The following RAP1GDS1 variants were observed in gnomAD, a reference collection of about 807,000 sequenced individuals.
RAP1GDS1 encodes the protein RAP1, GTP-GDP dissociation stimulator 1.
A neutral mutation model predicts 71.1 loss-of-function variants in RAP1GDS1; 35 were observed. That is an observed-to-expected ratio of 0.49 (90% CI 0.38 to 0.65). The LOEUF (loss-of-function observed/expected upper bound fraction) is 0.65. RAP1GDS1 is among the 30% of genes least tolerant of loss of function. The probability of loss-of-function intolerance (pLI) is 0.00; values close to 1 mark genes in which losing one functional copy is unlikely to be tolerated. For missense variants in RAP1GDS1, 663 were observed against 706.1 expected (o/e 0.94, Z 0.69); for synonymous variants, 229 against 243.1 (o/e 0.94, Z 0.54).
intron 1 of RAP1GDS1, among the ~76,000 whole-genome samples, chr4:98,266,249 C>T (rs1722703673): frequency 6.6e-6 from 1 of 152,012 alleles, no homozygotes; most frequent in African/African-American, 2.4e-5. Flanking sequence ...GTCTTTGTGA[C>T]TTAGTATAGT....
intron 2 of RAP1GDS1, among the ~76,000 whole-genome samples, chr4:98,295,078 G>C (rs1002009746): frequency 3.3e-5 from 5 of 152,046 alleles, no homozygotes; most frequent in Non-Finnish European, 7.4e-5. Flanking sequence ...GGAAGACAAA[G>C]AGATGAAGTT....
chr4:98,383,550 A>G (rs1487415771), intron 5 of RAP1GDS1, among the ~76,000 whole-genome samples: 1 of 151,458 alleles, frequency 6.6e-6, no homozygotes, highest in Non-Finnish European at 1.5e-5. Flanking sequence ...TAATTCTTAT[A>G]TTTATTTGTC....
At chr4:98,276,441 A>AACT (rs1330474385) in intron 1 of RAP1GDS1, among the ~76,000 whole-genome samples, 1 of 152,060 alleles carries the variant, frequency 6.6e-6, no homozygotes, top group Non-Finnish European at 1.5e-5. Context: ...ACTCAAATGT[A>AACT]ACTGATTAAA....
chr4:98,405,338 G>T (rs1745964876), intron 7 of RAP1GDS1, among the ~76,000 whole-genome samples: 1 of 152,068 alleles, frequency 6.6e-6, no homozygotes, highest in African/African-American at 2.4e-5. Flanking sequence ...TTCAGTGGGT[G>T]GTTTAATAGC....
intron 1 of RAP1GDS1, among the ~76,000 whole-genome samples, chr4:98,264,309 T>C (rs1722421681): frequency 6.6e-6 from 1 of 151,910 alleles, no homozygotes; most frequent in Non-Finnish European, 1.5e-5. Context: ...GGCAGGAGAA[T>C]CACTTGAACC....
intron 2 of RAP1GDS1, among the ~76,000 whole-genome samples, chr4:98,320,081 T>G (rs1243382472): frequency 2.0e-4 from 30 of 152,234 alleles, no homozygotes. Context: ...TGTTTTTCTG[T>G]AGCTTACTTT....
chr4:98,331,453 G>A (rs1010988168), intron 2 of RAP1GDS1, among the ~76,000 whole-genome samples: 1 of 152,130 alleles, frequency 6.6e-6, no homozygotes, highest in Non-Finnish European at 1.5e-5. Context: ...AGACTTAAGA[G>A]TGGCTATGGT....
chr4:98,342,399 ATTTC>A (rs1471203927), intron 2 of RAP1GDS1, among the ~76,000 whole-genome samples: 8 of 152,068 alleles, frequency 5.3e-5, no homozygotes, highest in Non-Finnish European at 1.2e-4. Context: ...TAATAATTTT[ATTTC>A]TTTGAGCTTT....
chr4:98,380,685 G>A (rs1741873719), intron 5 of RAP1GDS1, among the ~76,000 whole-genome samples: 1 of 151,724 alleles, frequency 6.6e-6, no homozygotes, highest in African/African-American at 2.4e-5. Flanking sequence ...TGTCTGAATT[G>A]CATTAAGAAA....
chr4:98,273,118 C>G (rs1328569099), intron 1 of RAP1GDS1, among the ~76,000 whole-genome samples: 1 of 152,148 alleles, frequency 6.6e-6, no homozygotes, highest in African/African-American at 2.4e-5. Flanking sequence ...GCTCTCGTCT[C>G]CTTTGCAAAA....
chr4:98,345,163 A>G (rs1736038157), intron 3 of RAP1GDS1, among the ~76,000 whole-genome samples: 1 of 152,132 alleles, frequency 6.6e-6, no homozygotes, highest in Non-Finnish European at 1.5e-5. Flanking sequence ...GAAATACGTA[A>G]CTTCAGAAAT....
Position 98,285,899 on chromosome 4 carries a change from C to T in RAP1GDS1, c.5-7509C>T, listed in dbSNP as rs189631948. ...TAAATAATAAATAATTGTAAATAAA[C>T]ATTATAAATTATTTATAATATTTAT... On this transcript the variant is annotated intron_variant, in intron 1 of 14. Coordinates refer to ENST00000408927, the MANE Select transcript of RAP1GDS1 (RefSeq NM_001100427.2). Among the ~76,000 whole-genome samples the T allele has an allele frequency of 5.5e-3, 807 of 145,846 alleles. 4 individuals are homozygous for T. Among genetic ancestry groups the T allele is most frequent in the African/African-American group, 0.019 (780 of 40,122 alleles).
At chr4:98,415,128 A>G (rs1747745267) in intron 7 of RAP1GDS1, among the ~76,000 whole-genome samples, 1 of 152,158 alleles carries the variant, frequency 6.6e-6, no homozygotes, top group Non-Finnish European at 1.5e-5. Context: ...TATCTCTCCT[A>G]CTTGCACATC....
chr4:98,268,524 T>G (rs1364850208), intron 1 of RAP1GDS1, among the ~76,000 whole-genome samples: 3 of 152,032 alleles, frequency 2.0e-5, no homozygotes, highest in Non-Finnish European at 4.4e-5. Flanking sequence ...TAAAATGATC[T>G]GTTTAAAGAT....
intron 6 of RAP1GDS1, among the ~76,000 whole-genome samples, chr4:98,398,405 G>A (rs183326257): frequency 1.9e-4 from 29 of 152,166 alleles, no homozygotes; most frequent in Non-Finnish European, 1.2e-4. Context: ...AATACACCCA[G>A]ACCATAGCGC....
intron 2 of RAP1GDS1, among the ~76,000 whole-genome samples, chr4:98,309,984 A>G (rs917485173): frequency 6.6e-6 from 1 of 152,030 alleles, no homozygotes; most frequent in African/African-American, 2.4e-5. Flanking sequence ...ACTCATTAGA[A>G]TAGTTGGTGA....
chr4:98,340,257 G>C (rs949008145), intron 2 of RAP1GDS1, among the ~76,000 whole-genome samples: 2 of 152,138 alleles, frequency 1.3e-5, no homozygotes, highest in African/African-American at 4.8e-5. Context: ...CAAAGACATG[G>C]AATCAACTTA....
Position 98,270,491 on chromosome 4 carries a change from A to G in RAP1GDS1, c.4+8922A>G, listed in dbSNP as rs182703965. ...GTCTGAATAAATGACCTAAAAAAAC[A>G]TTTCTCAAGCTGGCTAAGATATGGA... On this transcript the variant is annotated intron_variant, in intron 1 of 14. Transcript: ENST00000408927. 3.4e-4 allele frequency among the ~76,000 whole-genome samples: 52 copies of G among 152,290 alleles called. No homozygotes were observed. In the East Asian group the frequency reaches 9.1e-3, roughly 27 times the overall value.
chr4:98,402,495 T>C (rs1745573688), intron 6 of RAP1GDS1, among the ~76,000 whole-genome samples: 1 of 151,826 alleles, frequency 6.6e-6, no homozygotes, highest in South Asian at 2.1e-4. Flanking sequence ...CCCCTTGGCA[T>C]GTGAAGTAAG....
Sources: gnomAD v4.1 joint callset for allele counts (sites outside exome capture counted in the v4.1 genomes callset) on GRCh38, gnomAD v4.1.1 for gene constraint, MANE v1.5 for transcripts, NCBI Gene and HGNC (gene_info 2026-07-23, HGNC 2026-07-21) for gene names.